Variants in NPY1R observed in about 807,000 individuals in gnomAD.
NPY1R encodes neuropeptide Y receptor type 1.
In NPY1R, 10 loss-of-function variants were observed where a neutral mutation model predicts 24.1. The observed-to-expected ratio is 0.42, with a 90% CI of 0.26 to 0.71. The LOEUF (loss-of-function observed/expected upper bound fraction) is 0.71, where lower values mean the gene tolerates loss of function less well. Among genes scored for constraint, NPY1R ranks in the 30% least tolerant of loss-of-function variants. NPY1R has a pLI of 0.28. For missense variants in NPY1R, 350 were observed against 458.0 expected (o/e 0.76, Z 2.15); for synonymous variants, 168 against 165.9 (o/e 1.01, Z -0.10).
At chr4:163,337,373 G>A (rs1490244667), upstream of NPY1R, among the ~76,000 whole-genome samples, 1 of 152,126 alleles carries the variant, frequency 6.6e-6, no homozygotes, top group Non-Finnish European at 1.5e-5. Flanking sequence ...AAGCTATTTT[G>A]AAATTCCACC....
At position 163,342,953 on chromosome 4, in the gene NPY1R, C is replaced by G. The variant is rs181153024; in HGVS notation, c.-152+1352G>C. On this transcript the variant is annotated intron_variant, in intron 1 of 1. Transcript: ENST00000511901. ...ACCCAATGTCTCTTTTCTCCCTTCT[C>G]TCCTTCTCTCTCTCTCTCTCTCTCA... 3.5e-3 allele frequency among the ~76,000 whole-genome samples: 461 copies of G among 133,492 alleles called. 4 individuals carry two copies. Among genetic ancestry groups the G allele is most frequent in the African/African-American group, 0.015 (440 of 28,420 alleles). The allele number at this position is 133,492 out of a possible 152,430, so 87.6% of individuals were successfully genotyped here.
chr4:163,342,519 C>CGGCCT (rs1281210422), intron 1 of NPY1R, among the ~76,000 whole-genome samples: 1 of 152,180 alleles, frequency 6.6e-6, no homozygotes, highest in East Asian at 1.9e-4. Flanking sequence ...CCTGCTCAGA[C>CGGCCT]GGCCTATTCT....
At chr4:163,334,412 A>T (rs770172826), upstream of NPY1R, among the ~76,000 whole-genome samples, 18 of 152,222 alleles carry the variant, frequency 1.2e-4, 1 homozygote, top group Admixed American at 1.0e-3. Context: ...GTATTTTATC[A>T]TTTTATTAAC....
chr4:163,338,596 C>T (rs1319355382), intron 1 of NPY1R, among the ~76,000 whole-genome samples: 1 of 152,288 alleles, frequency 6.6e-6, no homozygotes, highest in South Asian at 2.1e-4. Context: ...GTCATGCAAC[C>T]TCCTGCAAGT....
chr4:163,338,457 C>T (rs142407756), intron 1 of NPY1R, among the ~76,000 whole-genome samples: 23 of 152,202 alleles, frequency 1.5e-4, no homozygotes, highest in African/African-American at 5.3e-4. Flanking sequence ...CCCAGAGGCT[C>T]CCCCGTTTGT....
chr4:163,336,759 G>C (rs775112128), upstream of NPY1R, among the ~76,000 whole-genome samples: 1 of 152,138 alleles, frequency 6.6e-6, no homozygotes, highest in Non-Finnish European at 1.5e-5. Flanking sequence ...TCAGGAGTTC[G>C]AGACCAGCCT....
At chr4:163,343,175 CT>C (rs35412972) in intron 1 of NPY1R, among the ~76,000 whole-genome samples, 19,437 of 144,506 alleles carry the variant, frequency 0.13, 1,451 homozygotes, top group African/African-American at 0.22. Flanking sequence ...TTTTTCCCGT[CT>C]TTTTTTTTTT....
Position 163,325,564 on chromosome 4 carries a change from G to A in NPY1R, c.894C>T (p.His298=). Residue 298 remains histidine (H), a synonymous_variant, in exon 3 of 3, where the codon CAC becomes CAT. Transcript: ENST00000296533. ...WNHQIIATCN[H]NLLFLLCHLT... ...GGTGGCAGAGCAGGAATAACAGATT[G>A]TGGTTGCAGGTAGCAATGATCTGAT... 1 of 1,614,062 alleles carries A rather than the reference G, an allele frequency of 6.2e-7. No individual in the cohort carries two copies. The highest frequency in any genetic ancestry group is 1.6e-4 in the Middle Eastern group (1 of 6,062).
rs1357114137 is a variant in NPY1R, at chr4:163,324,748, A to T, written c.*555T>A. 2.0e-5 allele frequency: 3 copies of T among 151,632 alleles called. No individual in the cohort carries two copies. Among genetic ancestry groups the T allele is most frequent in the Admixed American group, 2.0e-4 (3 of 15,238 alleles). The allele number at this position is 151,632 out of a possible 1,614,324, so 9.4% of individuals were successfully genotyped here. A position where few individuals can be genotyped will look rare whatever the true frequency, so the allele number is the denominator to read the frequency against. ...AAATCCTCCCTTAAGGTGAAAAAAA[A>T]AAAAAACAAACAAAAACCACCAAAA... is the stretch of plus-strand genomic sequence containing the variant. On this transcript the variant is annotated 3_prime_UTR_variant, in exon 3 of 3. Transcript: ENST00000296533.
chr4:163,340,076 T>G (rs1459844774), intron 1 of NPY1R, among the ~76,000 whole-genome samples: 1 of 152,118 alleles, frequency 6.6e-6, no homozygotes, highest in African/African-American at 2.4e-5. Flanking sequence ...ACAAACCGTT[T>G]CCCTTTCATT....
chr4:163,325,246 G>T lies in NPY1R; in HGVS notation c.*57C>A. On this transcript the variant is annotated 3_prime_UTR_variant, in exon 3 of 3. Transcript: ENST00000296533. ...GGAGAACAGGTAATCAAAGTATGTT[G>T]CAGGTTGTGCTTGTTTTTAAACAGA... The T allele has an allele frequency of 8.5e-7, 1 of 1,180,868 alleles. No individual in the cohort carries two copies. The highest frequency in any genetic ancestry group is 1.2e-6 in the Non-Finnish European group (1 of 820,370). The allele number at this position is 1,180,868 out of a possible 1,614,324, so 73.1% of individuals were successfully genotyped here. A position where few individuals can be genotyped will look rare whatever the true frequency, so the allele number is the denominator to read the frequency against.
intron 1 of NPY1R, among the ~76,000 whole-genome samples, chr4:163,328,609 T>C (rs1734660530): frequency 6.6e-6 from 1 of 152,182 alleles, no homozygotes; most frequent in Admixed American, 6.5e-5. Context: ...GAATACTAAG[T>C]ACATTCCCCA....
upstream of NPY1R, among the ~76,000 whole-genome samples, chr4:163,335,121 G>A (rs1269994433): frequency 6.6e-6 from 1 of 152,028 alleles, no homozygotes; most frequent in African/African-American, 2.4e-5. Flanking sequence ...CTACTCTTCA[G>A]TGAATAATCA....
rs370483910 is a variant in NPY1R at position 163,325,966 on chromosome 4, C to T, written c.589G>A (p.Val197Met). ...TCCGATGGAAATTGATCAAAGCACA[C>T]GTATTTGTCTTTGTACGCATCAAGT... ...VTLDAYKDKY[V>M]CFDQFPSDSH... Residue 197 changes from valine to methionine, a missense_variant, in exon 2 of 3, where the codon GTG becomes ATG. Physicochemically the swap from Val to Met is conservative, Grantham distance 21. Transcript: ENST00000296533. The T allele has an allele frequency of 5.0e-6, 8 of 1,613,842 alleles. No individual in the cohort carries two copies. Among genetic ancestry groups the T allele is most frequent in the Non-Finnish European group, 6.8e-6 (8 of 1,179,844 alleles).
chr4:163,325,037 CTT>C lies in NPY1R; in HGVS notation c.*264_*265del. The C allele has an allele frequency of 2.5e-6, 1 of 397,198 alleles. No individual in the cohort carries two copies. The highest frequency in any genetic ancestry group is 7.1e-4 in the Middle Eastern group (1 of 1,404). 24.6% of individuals were successfully genotyped at this position (397,198 alleles called of 1,614,324 possible). ...ATTCCAATAAGTACAGTATAAAAGT[CTT>C]TATATTATATGCATAAATTCACAAA... On this transcript the variant is annotated 3_prime_UTR_variant, in exon 3 of 3. Coordinates refer to ENST00000296533, the MANE Select transcript of NPY1R (RefSeq NM_000909.6).
At chr4:163,341,833 A>T (rs1040574145) in intron 1 of NPY1R, among the ~76,000 whole-genome samples, 2 of 152,234 alleles carry the variant, frequency 1.3e-5, no homozygotes, top group South Asian at 4.1e-4. Flanking sequence ...TAAAATTATT[A>T]TGTTCTACAA....
chr4:163,327,439 T>C (rs1333948812), intron 1 of NPY1R, among the ~76,000 whole-genome samples: 2 of 152,190 alleles, frequency 1.3e-5, no homozygotes, highest in Non-Finnish European at 2.9e-5. Context: ...GCACATTATT[T>C]TTTTAATCAC....
intron 1 of NPY1R, among the ~76,000 whole-genome samples, chr4:163,342,611 C>A (rs896698374): frequency 6.6e-6 from 1 of 152,146 alleles, no homozygotes. Flanking sequence ...TACTTGAGTT[C>A]TTTAAAAGCT....
rs777935429 is a variant in NPY1R at position 163,326,198 on chromosome 4, C to A, written c.357G>T (p.Val119=). ...TGGACACAGTGATTGAAACACATTG[C>A]ACAAAAGGATTCAACTTACACATCG... ...GEAMCKLNPF[V]QCVSITVSIF... Residue 119 remains valine (V), a synonymous_variant, in exon 2 of 3, where the codon GTG becomes GTT. Coordinates refer to ENST00000296533, the MANE Select transcript of NPY1R (RefSeq NM_000909.6). The A allele has an allele frequency of 6.2e-7, 1 of 1,614,086 alleles. No individual in the cohort carries two copies. Among genetic ancestry groups the A allele is most frequent in the Non-Finnish European group, 8.5e-7 (1 of 1,179,986 alleles).
Sources: gnomAD v4.1 joint callset for allele counts (sites outside exome capture counted in the v4.1 genomes callset) on GRCh38, gnomAD v4.1.1 for gene constraint, MANE v1.5 for transcripts, NCBI Gene and HGNC (gene_info 2026-07-23, HGNC 2026-07-21) for gene names.